The following SORBS2 variants were observed in gnomAD, a reference collection of about 807,000 sequenced individuals.
The protein encoded by SORBS2 is sorbin and SH3 domain containing 2, also known as sorbin and SH3 domain-containing protein 2.
In SORBS2, 46 loss-of-function variants were observed where a neutral mutation model predicts 97.7. That is an observed-to-expected ratio of 0.47 (90% CI 0.37 to 0.60). The LOEUF is 0.60. SORBS2 is among the 20% of genes least tolerant of loss of function. The probability of loss-of-function intolerance (pLI) is 0.00; values close to 1 mark genes in which losing one functional copy is unlikely to be tolerated. For synonymous variants in SORBS2, 476 were observed against 473.4 expected (o/e 1.01, Z -0.07); for missense variants, 1,316 against 1,282.3 (o/e 1.03, Z -0.40).
chr4:185,815,082 C>G (rs2099192457), intron 1 of SORBS2, among the ~76,000 whole-genome samples: 1 of 152,254 alleles, frequency 6.6e-6, no homozygotes, highest in South Asian at 2.1e-4. Context: ...TGCCCTGTGC[C>G]TTGGTCCAAT....
chr4:185,945,547 A>C (rs1190964073), intron 1 of SORBS2, among the ~76,000 whole-genome samples: 1 of 152,234 alleles, frequency 6.6e-6, no homozygotes, highest in Non-Finnish European at 1.5e-5. Flanking sequence ...ATTTGATTTC[A>C]TCTACAGATC....
intron 1 of SORBS2, among the ~76,000 whole-genome samples, chr4:185,899,995 G>A (rs1336962723): frequency 6.6e-6 from 1 of 152,188 alleles, no homozygotes; most frequent in African/African-American, 2.4e-5. Flanking sequence ...GCACACATCT[G>A]TAGTCTCAAC....
intron 4 of SORBS2, among the ~76,000 whole-genome samples, chr4:185,641,989 TG>T (rs1246612324): frequency 6.6e-6 from 1 of 152,220 alleles, no homozygotes; most frequent in Non-Finnish European, 1.5e-5. Flanking sequence ...CAGTGAGGCA[TG>T]TGCTTTCTAT....
chr4:185,879,006 T>G (rs1206653769), intron 1 of SORBS2, among the ~76,000 whole-genome samples: 3 of 151,212 alleles, frequency 2.0e-5, no homozygotes, highest in Non-Finnish European at 4.4e-5. Flanking sequence ...CGGCTTTGTT[T>G]TTGTTTGTTT....
At chr4:185,592,693 C>A (rs1244299495) in intron 13 of SORBS2, 1 of 153,048 alleles carries the variant, frequency 6.5e-6, no homozygotes, top group Non-Finnish European at 1.5e-5. Context: ...GCAGCTGGGA[C>A]TACAGGCGCA....
chr4:185,940,380 C>G (rs901599474), intron 1 of SORBS2, among the ~76,000 whole-genome samples: 1 of 152,110 alleles, frequency 6.6e-6, no homozygotes, highest in Non-Finnish European at 1.5e-5. Context: ...CCCTTATTCC[C>G]CATACATGAA....
At chr4:185,844,863 A>G (rs563523454) in intron 1 of SORBS2, among the ~76,000 whole-genome samples, 1 of 152,330 alleles carries the variant, frequency 6.6e-6, no homozygotes, top group African/African-American at 2.4e-5. Context: ...GAAAGACTAT[A>G]TGTAACACGA....
intron 1 of SORBS2, among the ~76,000 whole-genome samples, chr4:185,783,111 G>A (rs932550313): frequency 1.3e-5 from 2 of 152,182 alleles, no homozygotes; most frequent in Admixed American, 6.5e-5. Context: ...AATACACACC[G>A]TGCTAGGAAA....
chr4:185,598,233 A>C (rs189073555), intron 12 of SORBS2, among the ~76,000 whole-genome samples: 1 of 148,018 alleles, frequency 6.8e-6, no homozygotes, highest in African/African-American at 2.6e-5. Context: ...GAGTAGAACA[A>C]GAGAAAAATC....
At chr4:185,819,589 C>T (rs971685464) in intron 1 of SORBS2, among the ~76,000 whole-genome samples, 6 of 152,240 alleles carry the variant, frequency 3.9e-5, no homozygotes, top group Non-Finnish European at 8.8e-5. Context: ...CAAGCTGCCT[C>T]TGCCAGCTCA....
intron 2 of SORBS2, among the ~76,000 whole-genome samples, chr4:185,683,356 C>A (rs2153507139): frequency 6.6e-6 from 1 of 152,194 alleles, no homozygotes; most frequent in East Asian, 1.9e-4. Context: ...GTGTGGCGTT[C>A]CCTGGTACGT....
At chr4:185,817,368 G>T (rs945601159) in intron 1 of SORBS2, among the ~76,000 whole-genome samples, 2 of 152,162 alleles carry the variant, frequency 1.3e-5, no homozygotes, top group Non-Finnish European at 1.5e-5. Flanking sequence ...ATACAGAAAA[G>T]GCTGCACTTG....
At chr4:185,943,793 C>G (rs1286549838) in intron 1 of SORBS2, among the ~76,000 whole-genome samples, 8 of 152,144 alleles carry the variant, frequency 5.3e-5, no homozygotes, top group Admixed American at 5.2e-4. Flanking sequence ...AAAATTGAGG[C>G]CATGTAATAC....
chr4:185,946,933 A>G (rs2099274799), intron 1 of SORBS2, among the ~76,000 whole-genome samples: 1 of 152,244 alleles, frequency 6.6e-6, no homozygotes, highest in South Asian at 2.1e-4. Context: ...AGGGTCATAC[A>G]ACCAAACCTC....
intron 8 of SORBS2, among the ~76,000 whole-genome samples, chr4:185,619,764 T>C (rs1292859583): frequency 6.6e-6 from 1 of 152,202 alleles, no homozygotes; most frequent in Non-Finnish European, 1.5e-5. Context: ...CGAGGTGCCC[T>C]AACTCAGGAC....
intron 1 of SORBS2, among the ~76,000 whole-genome samples, chr4:185,827,179 A>AT (rs2099200772): frequency 5.5e-5 from 2 of 36,134 alleles, no homozygotes; most frequent in African/African-American, 1.2e-4. Flanking sequence ...CACCATCATC[A>AT]GAATCACCAT....
chr4:185,608,314 G>A (rs12503636), intron 12 of SORBS2, among the ~76,000 whole-genome samples: 25,870 of 152,170 alleles, frequency 0.17, 2,685 homozygotes, highest in East Asian at 0.46. Context: ...AGGAACCCAT[G>A]ATCAGAATGA....
intron 1 of SORBS2, among the ~76,000 whole-genome samples, chr4:185,930,566 G>T (rs2099265946): frequency 6.6e-6 from 1 of 152,288 alleles, no homozygotes; most frequent in Admixed American, 6.5e-5. Context: ...CCAAAGTGCT[G>T]GGATTACAGG....
intron 12 of SORBS2, among the ~76,000 whole-genome samples, chr4:185,605,619 C>CT: frequency 6.6e-6 from 1 of 151,678 alleles, no homozygotes; most frequent in Admixed American, 6.6e-5. Context: ...GAGTCTCGCT[C>CT]TGTCACCCAG....
Sources: gnomAD v4.1 joint callset for allele counts (sites outside exome capture counted in the v4.1 genomes callset) on GRCh38, gnomAD v4.1.1 for gene constraint, MANE v1.5 for transcripts, NCBI Gene and HGNC (gene_info 2026-07-23, HGNC 2026-07-21) for gene names.